The following FGF1 variants were observed in gnomAD, a reference collection of about 807,000 sequenced individuals.
FGF1 encodes the protein fibroblast growth factor 1, also known as beta-endothelial cell growth factor.
Under a neutral mutation model 13.4 loss-of-function variants are expected in FGF1, and 9 were observed. That is an observed-to-expected ratio of 0.67 (90% CI 0.40 to 1.17). The LOEUF (loss-of-function observed/expected upper bound fraction) is 1.17. Among genes scored for constraint, FGF1 ranks in the 50% most tolerant of loss-of-function variants. The probability of loss-of-function intolerance (pLI) is 0.01; values close to 1 mark genes in which losing one functional copy is unlikely to be tolerated. For missense variants in FGF1, 156 were observed against 192.7 expected, an observed-to-expected ratio of 0.81 and a Z score of 1.13; for synonymous variants, 93 against 79.0, an observed-to-expected ratio of 1.18 and a Z score of -0.94.
chr5:142,686,678 T>C (rs1486674102), upstream of FGF1, among the ~76,000 whole-genome samples: 1 of 151,808 alleles, frequency 6.6e-6, no homozygotes, highest in East Asian at 1.9e-4. Flanking sequence ...CGTGTATGTG[T>C]GCGTGTGTGT....
At chr5:142,637,875 C>G (rs1056389899) in intron 1 of FGF1, among the ~76,000 whole-genome samples, 1 of 151,970 alleles carries the variant, frequency 6.6e-6, no homozygotes, top group Non-Finnish European at 1.5e-5. Context: ...CAGGACAGAG[C>G]CTGGAGGGGA....
chr5:142,609,117 C>T (rs1405428503), intron 2 of FGF1, among the ~76,000 whole-genome samples: 1 of 152,144 alleles, frequency 6.6e-6, no homozygotes, highest in African/African-American at 2.4e-5. Flanking sequence ...CCTAAAGCAA[C>T]AGGGCAGGAG....
chr5:142,641,412 G>A (rs1052835935), intron 1 of FGF1, among the ~76,000 whole-genome samples: 3 of 151,866 alleles, frequency 2.0e-5, no homozygotes, highest in Non-Finnish European at 4.4e-5. Flanking sequence ...TATATATTCA[G>A]AATGTTTTTG....
chr5:142,684,365 T>C (rs1229072852), intron 1 of FGF1, among the ~76,000 whole-genome samples: 5 of 152,232 alleles, frequency 3.3e-5, no homozygotes, highest in Admixed American at 3.3e-4. Context: ...AGTCAAGTCA[T>C]ATGTAAACAG....
upstream of FGF1, among the ~76,000 whole-genome samples, chr5:142,690,096 C>T (rs1292421820): frequency 6.7e-6 from 1 of 149,602 alleles, no homozygotes; most frequent in Non-Finnish European, 1.5e-5. Flanking sequence ...CTGAGGCGGG[C>T]GGATCAAGAG....
At chr5:142,616,092 A>C (rs898015840) in intron 1 of FGF1, among the ~76,000 whole-genome samples, 3 of 152,208 alleles carry the variant, frequency 2.0e-5, no homozygotes, top group African/African-American at 7.2e-5. Flanking sequence ...CCTTCCCTGC[A>C]CTAACCATCC....
chr5:142,647,377 A>C (rs1291870132), intron 1 of FGF1, among the ~76,000 whole-genome samples: 2 of 152,208 alleles, frequency 1.3e-5, no homozygotes, highest in Admixed American at 1.3e-4. Context: ...TCACTTCTCT[A>C]AAAATCTTTC....
chr5:142,666,202 T>TG (rs141303486), intron 1 of FGF1, among the ~76,000 whole-genome samples: 87,358 of 140,944 alleles, frequency 0.62, 43,679 homozygotes, highest in South Asian at 0.68. Context: ...ATCAGCATCA[T>TG]GGCCCTCGCG....
chr5:142,618,369 C>T (rs1760687078), intron 1 of FGF1, among the ~76,000 whole-genome samples: 1 of 152,100 alleles, frequency 6.6e-6, no homozygotes, highest in African/African-American at 2.4e-5. Context: ...CCGGGCGAGT[C>T]ATTCACTCCT....
At chr5:142,677,845 A>G (rs1772929216) in intron 1 of FGF1, among the ~76,000 whole-genome samples, 1 of 152,192 alleles carries the variant, frequency 6.6e-6, no homozygotes, top group Non-Finnish European at 1.5e-5. Context: ...TAAGGGAGAG[A>G]ATGGGTAATA....
In FGF1 at chr5:142,608,708, C is replaced by CAT. The variant is rs149917804; in HGVS notation, c.169+5249_169+5250dup. On this transcript the variant is annotated intron_variant, in intron 2 of 3. Transcript: ENST00000337706. The stretch of plus-strand genomic sequence containing the variant: ...TTGATACAGTCCAGAGACTGAATGA[C>CAT]ATATATATATACACACACACATATA... Among the ~76,000 whole-genome samples the CAT allele has an allele frequency of 2.7e-3, 386 of 144,284 alleles. 6 individuals are homozygous for CAT. The South Asian group carries it at 0.033, about 12-fold the overall frequency. The allele number at this position is 144,284 out of a possible 152,430, so 94.7% of individuals were successfully genotyped here. A position where few individuals can be genotyped will look rare whatever the true frequency, so the allele number is the denominator to read the frequency against.
chr5:142,650,209 TTGAC>T (rs1427039966), intron 1 of FGF1, among the ~76,000 whole-genome samples: 1 of 152,138 alleles, frequency 6.6e-6, no homozygotes, highest in Non-Finnish European at 1.5e-5. Flanking sequence ...GGAGATGACA[TTGAC>T]TGACTGCTCT....
At chr5:142,637,157 G>A (rs192104242) in intron 1 of FGF1, among the ~76,000 whole-genome samples, 1 of 151,832 alleles carries the variant, frequency 6.6e-6, no homozygotes, top group Non-Finnish European at 1.5e-5. Flanking sequence ...AGAGACAGTG[G>A]CATTTAGCCA....
chr5:142,676,858 C>T (rs1464524375), intron 1 of FGF1, among the ~76,000 whole-genome samples: 1 of 152,170 alleles, frequency 6.6e-6, no homozygotes, highest in African/African-American at 2.4e-5. Flanking sequence ...TCTGAAGTCA[C>T]CCTGCATCTC....
chr5:142,640,739 C>T (rs941275565), intron 1 of FGF1, among the ~76,000 whole-genome samples: 5 of 152,090 alleles, frequency 3.3e-5, no homozygotes, highest in South Asian at 2.1e-4. Context: ...GTCCTCATCC[C>T]CACCAAACCA....
chr5:142,622,466 G>A (rs748107154), intron 1 of FGF1, among the ~76,000 whole-genome samples: 9 of 152,142 alleles, frequency 5.9e-5, no homozygotes, highest in Non-Finnish European at 1.3e-4. Flanking sequence ...TTCAAATTAG[G>A]CCAGAATACC....
At chr5:142,642,557 T>C (rs1158241081) in intron 1 of FGF1, among the ~76,000 whole-genome samples, 6 of 152,210 alleles carry the variant, frequency 3.9e-5, no homozygotes, top group African/African-American at 1.4e-4. Context: ...TGGTAGGGCT[T>C]TGTCTTGATG....
intron 1 of FGF1, among the ~76,000 whole-genome samples, chr5:142,617,009 C>T (rs1760387127): frequency 6.6e-6 from 1 of 152,322 alleles, no homozygotes; most frequent in Admixed American, 6.5e-5. Flanking sequence ...TTCTCCTTGT[C>T]TCTGGACTTC....
Position 142,595,454 on chromosome 5 carries a change from C to T in FGF1, c.304G>A (p.Glu102Lys). The T allele has an allele frequency of 1.2e-6, 2 of 1,613,694 alleles. No homozygotes were observed. The highest frequency in any genetic ancestry group is 2.2e-5 in the East Asian group (1 of 44,854). ...TTGTAATGGTTCTCCTCCAGCCTTT[C>T]CAGGAACAAACATTCCTCATTTGGT... Reference protein sequence around the residue: ...QTPNEECLFLERLEENHYNTY... With the variant: ...QTPNEECLFLKRLEENHYNTY... Residue 102 changes from glutamate to lysine, a missense_variant, in exon 4 of 4, where the codon GAA (glutamate) becomes AAA (lysine). Coordinates refer to ENST00000337706, the MANE Select transcript of FGF1 (RefSeq NM_000800.5).
Sources: gnomAD v4.1 joint callset for allele counts (sites outside exome capture counted in the v4.1 genomes callset) on GRCh38, gnomAD v4.1.1 for gene constraint, MANE v1.5 for transcripts, NCBI Gene and HGNC (gene_info 2026-07-23, HGNC 2026-07-21) for gene names.